Variants in COG5 observed in about 807,000 individuals in gnomAD.
COG5 encodes component of oligomeric golgi complex 5, also known as conserved oligomeric Golgi complex subunit 5.
COG5 carries 86 observed loss-of-function variants against 110.4 expected under a neutral mutation model. The observed-to-expected ratio is 0.78, with a 90% CI of 0.65 to 0.93. The LOEUF (loss-of-function observed/expected upper bound fraction) is 0.93. Ranked by LOEUF, COG5 falls within the 40% of genes least tolerant of loss-of-function variation. The pLI is 0.00. For synonymous variants in COG5, 360 were observed against 334.6 expected (o/e 1.08, Z -0.83); for missense variants, 1,077 against 987.0 (o/e 1.09, Z -1.22).
chr7:107,470,456 T>A (rs1055911463), intron 6 of COG5: 12 of 152,180 alleles, frequency 7.9e-5, no homozygotes, highest in African/African-American at 2.9e-4. Context: ...GTAAGATTTG[T>A]TCCTATTATA....
chr7:107,403,004 C>T (rs552487096), intron 7 of COG5, among the ~76,000 whole-genome samples: 4 of 152,242 alleles, frequency 2.6e-5, no homozygotes, highest in African/African-American at 9.6e-5. Context: ...TGAAAATAGA[C>T]ATTTTGCAAT....
intron 6 of COG5, among the ~76,000 whole-genome samples, chr7:107,456,374 A>C (rs1275479083): frequency 2.0e-5 from 3 of 152,244 alleles, no homozygotes; most frequent in Non-Finnish European, 4.4e-5. Flanking sequence ...TTACCCTAGC[A>C]ACTAGAAAAT....
chr7:107,396,653 G>A (rs977435154), intron 7 of COG5, among the ~76,000 whole-genome samples: 7 of 151,832 alleles, frequency 4.6e-5, no homozygotes, highest in Middle Eastern at 3.2e-3. Flanking sequence ...GAGGAAGAGA[G>A]TATAAAAATG....
chr7:107,535,700 A>C (rs960856827), intron 5 of COG5, among the ~76,000 whole-genome samples: 3 of 152,164 alleles, frequency 2.0e-5, no homozygotes, highest in African/African-American at 7.2e-5. Context: ...AGGACCAGAC[A>C]GATCAACAGC....
At chr7:107,395,183 T>G (rs1479692494) in intron 7 of COG5, among the ~76,000 whole-genome samples, 1 of 151,966 alleles carries the variant, frequency 6.6e-6, no homozygotes, top group Non-Finnish European at 1.5e-5. Context: ...GTTTAATAAG[T>G]GCACCATTTC....
intron 16 of COG5, among the ~76,000 whole-genome samples, chr7:107,250,062 T>C (rs1474735772): frequency 2.6e-5 from 4 of 151,890 alleles, no homozygotes; most frequent in Admixed American, 6.6e-5. Flanking sequence ...CAATGATGGG[T>C]TTTAAGCAAT....
chr7:107,338,722 T>A (rs144236587), intron 10 of COG5, among the ~76,000 whole-genome samples: 214 of 152,230 alleles, frequency 1.4e-3, no homozygotes, highest in Non-Finnish European at 2.7e-3. Flanking sequence ...AGCCATATAA[T>A]GGACAATAAG....
intron 10 of COG5, among the ~76,000 whole-genome samples, chr7:107,327,001 T>A (rs1249187036): frequency 6.6e-6 from 1 of 151,726 alleles, no homozygotes; most frequent in Non-Finnish European, 1.5e-5. Context: ...CAAAGGGAGA[T>A]CCTATCTCTA....
At chr7:107,477,810 T>G (rs1039291042) in intron 6 of COG5, among the ~76,000 whole-genome samples, 6 of 151,922 alleles carry the variant, frequency 3.9e-5, no homozygotes, top group African/African-American at 1.4e-4. Context: ...TTAGACAACT[T>G]TTTGTATTAA....
chr7:107,331,214 G>T (rs1810209001), intron 10 of COG5, among the ~76,000 whole-genome samples: 1 of 152,108 alleles, frequency 6.6e-6, no homozygotes, highest in Non-Finnish European at 1.5e-5. Flanking sequence ...GGTGGCTCAC[G>T]CCTGTAATCC....
intron 7 of COG5, among the ~76,000 whole-genome samples, chr7:107,401,193 G>C (rs1409964896): frequency 2.6e-5 from 4 of 152,026 alleles, no homozygotes; most frequent in African/African-American, 4.8e-5. Context: ...TGGGTGTTAT[G>C]TAAGAGTTCA....
intron 7 of COG5, among the ~76,000 whole-genome samples, chr7:107,377,183 T>A (rs1410975567): frequency 6.6e-6 from 1 of 152,158 alleles, no homozygotes; most frequent in African/African-American, 2.4e-5. Flanking sequence ...ATTGCCCCAG[T>A]GAAGCTGATT....
intron 6 of COG5, among the ~76,000 whole-genome samples, chr7:107,451,609 G>C (rs748696433): frequency 6.6e-6 from 1 of 151,882 alleles, no homozygotes; most frequent in Non-Finnish European, 1.5e-5. Flanking sequence ...CTGCCTCTGC[G>C]ACCCTAAGAC....
At chr7:107,389,333 T>C (rs143659937) in intron 7 of COG5, among the ~76,000 whole-genome samples, 102 of 150,042 alleles carry the variant, frequency 6.8e-4, no homozygotes, top group African/African-American at 2.4e-3. Flanking sequence ...TAATGGCACA[T>C]ATTGGACTAA....
chr7:107,337,532 C>T (rs1584695819), intron 10 of COG5, among the ~76,000 whole-genome samples: 1 of 152,028 alleles, frequency 6.6e-6, no homozygotes, highest in East Asian at 1.9e-4. Context: ...ACAGGCCAAG[C>T]ACAGAAAGAC....
chr7:107,428,061 T>TA (rs960856664), intron 6 of COG5, among the ~76,000 whole-genome samples: 2 of 151,888 alleles, frequency 1.3e-5, no homozygotes, highest in African/African-American at 2.4e-5. Flanking sequence ...CTCGACAGTA[T>TA]AAAAAACCAA....
At chr7:107,229,460 ATCT>A (rs1800607748) in intron 19 of COG5, among the ~76,000 whole-genome samples, 2 of 152,086 alleles carry the variant, frequency 1.3e-5, no homozygotes, top group South Asian at 4.1e-4. Context: ...AAAACAAAAT[ATCT>A]TCTTCTGTTT....
chr7:107,278,863 G>A (rs2116777553), intron 14 of COG5, among the ~76,000 whole-genome samples: 1 of 152,222 alleles, frequency 6.6e-6, no homozygotes, highest in African/African-American at 2.4e-5. Flanking sequence ...ATACCATTCA[G>A]GACACAGGCA....
intron 14 of COG5, among the ~76,000 whole-genome samples, chr7:107,280,610 TA>T (rs540731864): frequency 1.9e-3 from 288 of 149,524 alleles, no homozygotes; most frequent in African/African-American, 6.3e-3. Context: ...TCAATAATGG[TA>T]AAAAAAAAAT....
Sources: gnomAD v4.1 joint callset for allele counts (sites outside exome capture counted in the v4.1 genomes callset) on GRCh38, gnomAD v4.1.1 for gene constraint, MANE v1.5 for transcripts, NCBI Gene and HGNC (gene_info 2026-07-23, HGNC 2026-07-21) for gene names.